ZSWIM5: variants seen among roughly 807,000 people sequenced by gnomAD.
The protein encoded by ZSWIM5 is zinc finger SWIM-type containing 5.
Under a neutral mutation model 119.6 loss-of-function variants are expected in ZSWIM5, and 55 were observed. The ratio of observed to expected loss-of-function variants is 0.46; its 90% CI spans 0.37 to 0.58. The LOEUF (loss-of-function observed/expected upper bound fraction) is 0.58. ZSWIM5 is among the 20% of genes least tolerant of loss of function. The pLI is 0.00. For missense variants in ZSWIM5, 1,193 were observed against 1,512.8 expected (o/e 0.79, Z 3.51); for synonymous variants, 537 against 606.9 (o/e 0.88, Z 1.69).
At chr1:45,020,001 CCTG>C in intron 13 of ZSWIM5, 62 bp downstream of exon 13, 8 of 1,369,396 alleles carry the variant, frequency 5.8e-6, no homozygotes, top group Non-Finnish European at 8.3e-6. Flanking sequence ...GATTGATTGT[CCTG>C]TCCCAAGAGT....
chr1:45,124,165 A>G (rs184054182), intron 1 of ZSWIM5, among the ~76,000 whole-genome samples: 1 of 152,290 alleles, frequency 6.6e-6, no homozygotes, highest in East Asian at 1.9e-4. Flanking sequence ...AACACCAAGA[A>G]GAAAAAAGGC....
chr1:45,039,033 C>T lies in ZSWIM5; in HGVS notation c.1797G>A (p.Glu599=), dbSNP rs1202187277. The change falls in exon 8 of 14, where the codon GAG becomes GAA. Residue 599 remains glutamate (E), a synonymous_variant. Coordinates refer to ENST00000359600, the MANE Select transcript of ZSWIM5 (RefSeq NM_020883.2). ...QRGTTTITNL[E]GWVGHPLDPI... is the part of the protein sequence containing the mutation. ...GATCCAGGGGGTGGCCCACCCAGCC[C>T]TCCAGGTTTGTGATGGTTGTGGTTC... The T allele has an allele frequency of 2.5e-6, 4 of 1,614,028 alleles. No homozygotes were observed. The highest frequency in any genetic ancestry group is 2.2e-5 in the East Asian group (1 of 44,886).
In ZSWIM5 at chr1:45,206,385, G is replaced by T. The variant is rs773708584; in HGVS notation, c.-35C>A. ...CTGACTGACTGACTGAGGCGGCGGC[G>T]GCTGCTCGGGCTGCGGCGGAGACCC... On this transcript the variant is annotated 5_prime_UTR_variant, in exon 1 of 14. Transcript: ENST00000359600. 17 of 1,353,590 alleles carry T rather than the reference G, an allele frequency of 1.3e-5. 1 individual carries two copies. The South Asian group carries it at 2.8e-4, about 22-fold the overall frequency. The allele number at this position is 1,353,590 out of a possible 1,614,324, so 83.8% of individuals were successfully genotyped here.
At position 45,088,777 on chromosome 1, in the gene ZSWIM5, A is replaced by G. The variant is rs1442312232; in HGVS notation, c.596-540T>C. ...AAACATAAAATTTCACGTGGAATACATAAAAGGCAAGAAATTTAAGACATG... is the reference window on the plus strand; with the variant it reads ...AAACATAAAATTTCACGTGGAATACGTAAAAGGCAAGAAATTTAAGACATG... On this transcript the variant is annotated intron_variant, in intron 1 of 13. Transcript: ENST00000359600. This position sits in a 1 kb window ranked among gnomAD's most constrained non-coding sequence, Gnocchi z 4.2. 6.6e-6 allele frequency among the ~76,000 whole-genome samples: 1 copy of G among 152,206 alleles called. No individual in the cohort carries two copies. Among genetic ancestry groups the G allele is most frequent in the Non-Finnish European group, 1.5e-5 (1 of 68,032 alleles).
At chr1:45,099,672 C>A (rs1645426021) in intron 1 of ZSWIM5, among the ~76,000 whole-genome samples, 1 of 152,188 alleles carries the variant, frequency 6.6e-6, no homozygotes, top group Non-Finnish European at 1.5e-5. Context: ...AAACCGAATC[C>A]AGCAGCACAT....
chr1:45,070,098 T>C, intron 2 of ZSWIM5: 2 of 982,294 alleles, frequency 2.0e-6, no homozygotes, highest in South Asian at 2.6e-5. Context: ...TTTTGGGATA[T>C]TTGGTGCATT....
chr1:45,031,676 A>G (rs922990745), intron 11 of ZSWIM5, among the ~76,000 whole-genome samples: 3 of 151,866 alleles, frequency 2.0e-5, no homozygotes, highest in Non-Finnish European at 4.4e-5. Context: ...CACCTCTACT[A>G]AAAATACAAA....
intron 1 of ZSWIM5, among the ~76,000 whole-genome samples, chr1:45,179,481 C>A (rs984116273): frequency 6.6e-6 from 1 of 152,012 alleles, no homozygotes; most frequent in African/African-American, 2.4e-5. Flanking sequence ...AAAAAAATAC[C>A]TATTGGGTAC....
chr1:45,154,230 CA>C (rs1216368698), intron 1 of ZSWIM5, among the ~76,000 whole-genome samples: 6 of 151,702 alleles, frequency 4.0e-5, no homozygotes, highest in African/African-American at 1.4e-4. Flanking sequence ...TCATTCTTTA[CA>C]AAACTAGAAA....
intron 1 of ZSWIM5, among the ~76,000 whole-genome samples, chr1:45,162,227 C>T (rs532229610): frequency 6.6e-5 from 10 of 152,340 alleles, no homozygotes; most frequent in African/African-American, 1.9e-4. Context: ...TGGTGGCTCA[C>T]GCCTGTAATC....
At chr1:45,153,028 A>T (rs1448088859) in intron 1 of ZSWIM5, among the ~76,000 whole-genome samples, 2 of 151,886 alleles carry the variant, frequency 1.3e-5, no homozygotes, top group Non-Finnish European at 1.5e-5. Context: ...TCATCAGAGA[A>T]ATGCAAACCA....
chr1:45,107,802 A>AT (rs1426064658), intron 1 of ZSWIM5, among the ~76,000 whole-genome samples: 1 of 151,006 alleles, frequency 6.6e-6, no homozygotes, highest in Non-Finnish European at 1.5e-5. Context: ...TTCTTTTCTT[A>AT]TTTTTTTGAG....
chr1:45,125,651 G>A (rs1422619264), intron 1 of ZSWIM5, among the ~76,000 whole-genome samples: 1 of 151,854 alleles, frequency 6.6e-6, no homozygotes, highest in Non-Finnish European at 1.5e-5. Flanking sequence ...GCAAGCGCCT[G>A]TAATCCCAGC....
chr1:45,196,564 G>A (rs1646127124), intron 1 of ZSWIM5, among the ~76,000 whole-genome samples: 1 of 150,508 alleles, frequency 6.6e-6, no homozygotes, highest in Non-Finnish European at 1.5e-5. Flanking sequence ...CTAATTTTTT[G>A]TATTTTTAGT....
In ZSWIM5 at chr1:45,155,199, TC is replaced by T. The variant is rs567175083; in HGVS notation, c.595+50556del. On this transcript the variant is annotated intron_variant, in intron 1 of 13. Coordinates refer to ENST00000359600, the MANE Select transcript of ZSWIM5 (RefSeq NM_020883.2). Reference sequence around the variant, plus strand: ...CAAACAAATTAGCAAGAAAAAAAAATCCCATCAAAAAGTGGGCTAAGGACAT... The same window carrying T: ...CAAACAAATTAGCAAGAAAAAAAAATCCATCAAAAAGTGGGCTAAGGACAT... 1.2e-4 allele frequency among the ~76,000 whole-genome samples: 18 copies of T among 150,880 alleles called. No individual in the cohort carries two copies. In the South Asian group the frequency reaches 1.7e-3, roughly 14 times the overall value.
intron 1 of ZSWIM5, among the ~76,000 whole-genome samples, chr1:45,168,197 C>T (rs2149044362): frequency 6.6e-6 from 1 of 152,036 alleles, no homozygotes; most frequent in African/African-American, 2.4e-5. Flanking sequence ...AGCTGGAAAC[C>T]ATCATTCTGA....
chr1:45,050,686 T>G (rs1360089508), intron 5 of ZSWIM5, among the ~76,000 whole-genome samples: 1 of 152,184 alleles, frequency 6.6e-6, no homozygotes, highest in Non-Finnish European at 1.5e-5. Flanking sequence ...GTCAGGACAC[T>G]TTTTAAAATT....
In ZSWIM5 at chr1:45,125,833, A is replaced by C. The variant is rs187000062; in HGVS notation, c.596-37596T>G. Reference sequence around the variant, plus strand: ...ATAATCCCAGCATTTTGGGAGGCCAAGGCAGGAGAATCGCTTGAGGCCAGG... The same window carrying C: ...ATAATCCCAGCATTTTGGGAGGCCACGGCAGGAGAATCGCTTGAGGCCAGG... On this transcript the variant is annotated intron_variant, in intron 1 of 13. Coordinates refer to ENST00000359600, the MANE Select transcript of ZSWIM5 (RefSeq NM_020883.2). Among the ~76,000 whole-genome samples, 230 of 152,152 alleles carry C rather than the reference A, an allele frequency of 1.5e-3. 2 individuals are homozygous for C. Among genetic ancestry groups the C allele is most frequent in the African/African-American group, 4.9e-3 (203 of 41,512 alleles).
chr1:45,138,247 T>C lies in ZSWIM5; in HGVS notation c.596-50010A>G, dbSNP rs1017257988. On this transcript the variant is annotated intron_variant, in intron 1 of 13. Coordinates refer to ENST00000359600, the MANE Select transcript of ZSWIM5 (RefSeq NM_020883.2). ...GGCTGGGCACGGTGGCTCACACCTG[T>C]AATCCCAGCACTTTGGGAGGCCGAG... 3.9e-5 allele frequency among the ~76,000 whole-genome samples: 6 copies of C among 152,134 alleles called. No individual in the cohort carries two copies. The South Asian group carries it at 1.2e-3, about 32-fold the overall frequency.
Sources: allele counts gnomAD v4.1 joint callset (sites outside exome capture counted in the v4.1 genomes callset), GRCh38; gene constraint gnomAD v4.1.1; non-coding constraint Gnocchi (gnomAD v3.1); transcripts MANE v1.5; gene names NCBI Gene and HGNC (gene_info 2026-07-23, HGNC 2026-07-21).